Variants in DLC1 observed in about 807,000 individuals in gnomAD.
DLC1 encodes the protein rho GTPase-activating protein 7.
In DLC1, 54 loss-of-function variants were observed where a neutral mutation model predicts 140.3. The observed-to-expected ratio is 0.38, with a 90% CI of 0.31 to 0.48. The LOEUF is 0.48. Among genes scored for constraint, DLC1 ranks in the 20% least tolerant of loss-of-function variants. The pLI is 0.96. For synonymous variants in DLC1, 986 were observed against 728.1 expected, an observed-to-expected ratio of 1.35 and a Z score of -5.70; for missense variants, 2,536 against 1,907.0, an observed-to-expected ratio of 1.33 and a Z score of -6.14.
chr8:13,161,186 A>C (rs968878381), intron 5 of DLC1, among the ~76,000 whole-genome samples: 4 of 152,242 alleles, frequency 2.6e-5, no homozygotes, highest in Admixed American at 2.0e-4. Context: ...TATACCACCT[A>C]TGTCTACGTG....
intron 5 of DLC1, among the ~76,000 whole-genome samples, chr8:13,235,431 T>A (rs985292630): frequency 1.4e-4 from 22 of 152,048 alleles, no homozygotes. Context: ...GAAGAAAATG[T>A]GTATATTCAA....
At chr8:13,297,874 TTG>T (rs201366731) in intron 5 of DLC1, among the ~76,000 whole-genome samples, 2,216 of 151,920 alleles carry the variant, frequency 0.015, 60 homozygotes, top group African/African-American at 0.05. Context: ...TAGTTTTTTT[TTG>T]TTGTTGTTGT....
chr8:13,118,168 C>T (rs954640850), intron 5 of DLC1, among the ~76,000 whole-genome samples: 10 of 151,970 alleles, frequency 6.6e-5, no homozygotes, highest in Middle Eastern at 3.2e-3. Context: ...GCCACTGTGC[C>T]TGGCTGTCTC....
At chr8:13,390,915 G>A (rs111707758) in intron 4 of DLC1, among the ~76,000 whole-genome samples, 23,130 of 151,090 alleles carry the variant, frequency 0.15, 1,912 homozygotes, top group South Asian at 0.18. Flanking sequence ...AACCCAGGAG[G>A]CAGAGCTCGC....
At chr8:13,468,348 C>CCTCCT in intron 2 of DLC1, among the ~76,000 whole-genome samples, 1 of 113,474 alleles carries the variant, frequency 8.8e-6, no homozygotes, top group East Asian at 3.0e-4. Flanking sequence ...ATTCCCCTCC[C>CCTCCT]CTCCCCTCCC....
At chr8:13,106,726 G>A (rs1437560751) in intron 7 of DLC1, among the ~76,000 whole-genome samples, 1 of 152,226 alleles carries the variant, frequency 6.6e-6, no homozygotes, top group Admixed American at 6.5e-5. Flanking sequence ...GCATCTGATG[G>A]ACTGCTTTAC....
chr8:13,113,427 T>C (rs1341219230), intron 6 of DLC1, among the ~76,000 whole-genome samples: 1 of 152,138 alleles, frequency 6.6e-6, no homozygotes, highest in Non-Finnish European at 1.5e-5. Flanking sequence ...CTTGGGAACA[T>C]GAAGGGACCC....
chr8:13,287,129 C>G (rs1356632325), intron 5 of DLC1, among the ~76,000 whole-genome samples: 1 of 152,098 alleles, frequency 6.6e-6, no homozygotes, highest in Non-Finnish European at 1.5e-5. Context: ...CATTGATTTC[C>G]TAATCTCTTC....
intron 4 of DLC1, among the ~76,000 whole-genome samples, chr8:13,379,600 A>C (rs1050050389): frequency 1.3e-5 from 2 of 152,168 alleles, no homozygotes; most frequent in Admixed American, 6.5e-5. Flanking sequence ...AATCATTGTA[A>C]ATTGGGGACC....
chr8:13,329,294 C>T (rs141171982), intron 4 of DLC1, among the ~76,000 whole-genome samples: 101 of 152,212 alleles, frequency 6.6e-4, no homozygotes, highest in African/African-American at 2.1e-3. Context: ...AATTTTTTCA[C>T]GTCAAGACAT....
At chr8:13,094,178 C>A (rs1340783964) in intron 12 of DLC1, among the ~76,000 whole-genome samples, 3 of 152,178 alleles carry the variant, frequency 2.0e-5, no homozygotes, top group African/African-American at 7.2e-5. Context: ...TAACACTGTT[C>A]TAGAAACTAA....
chr8:13,162,731 G>T (rs1197570929), intron 5 of DLC1, among the ~76,000 whole-genome samples: 3 of 152,132 alleles, frequency 2.0e-5, no homozygotes, highest in African/African-American at 7.2e-5. Flanking sequence ...CTTGAGGCCG[G>T]GAGTTGGAAA....
intron 4 of DLC1, among the ~76,000 whole-genome samples, chr8:13,309,237 A>T (rs1007685681): frequency 6.6e-6 from 1 of 152,214 alleles, no homozygotes; most frequent in African/African-American, 2.4e-5. Flanking sequence ...TAACTTATAT[A>T]TTTTTTTCTC....
intron 1 of DLC1, among the ~76,000 whole-genome samples, chr8:13,587,380 C>A (rs1384643024): frequency 6.6e-6 from 1 of 151,824 alleles, no homozygotes; most frequent in Admixed American, 6.6e-5. Context: ...TAGGATATCA[C>A]AGACACTTTC....
upstream of DLC1, chr8:13,514,855 G>A (rs1802531830): frequency 2.6e-6 from 1 of 388,686 alleles, no homozygotes; most frequent in African/African-American, 2.1e-5. Context: ...TCAGACTGAG[G>A]TTTTGCAAAA....
At chr8:13,440,555 A>C (rs1453591191) in intron 2 of DLC1, among the ~76,000 whole-genome samples, 1 of 151,954 alleles carries the variant, frequency 6.6e-6, no homozygotes, top group Non-Finnish European at 1.5e-5. Flanking sequence ...TTCTGAGATG[A>C]AACATCCAAT....
chr8:13,511,347 T>A, intron 1 of DLC1, among the ~76,000 whole-genome samples: 1 of 152,006 alleles, frequency 6.6e-6, no homozygotes, highest in South Asian at 2.1e-4. Context: ...TTTGAGTCAC[T>A]GTTTAATCTT....
chr8:13,201,022 G>T (rs1408909273), intron 5 of DLC1, among the ~76,000 whole-genome samples: 1 of 152,124 alleles, frequency 6.6e-6, no homozygotes, highest in Non-Finnish European at 1.5e-5. Context: ...TGAGTACAGT[G>T]GGTTTCATGT....
chr8:13,593,142 A>C (rs540253245), intron 1 of DLC1, among the ~76,000 whole-genome samples: 1 of 152,214 alleles, frequency 6.6e-6, no homozygotes, highest in East Asian at 1.9e-4. Context: ...CCAGTTGATA[A>C]TTTTAATAAG....
Sources: gnomAD v4.1 joint callset for allele counts (sites outside exome capture counted in the v4.1 genomes callset) on GRCh38, gnomAD v4.1.1 for gene constraint, MANE v1.5 for transcripts, NCBI Gene and HGNC (gene_info 2026-07-23, HGNC 2026-07-21) for gene names.